The following TENM2 variants were observed in gnomAD, a reference collection of about 807,000 sequenced individuals.
TENM2 encodes teneurin-2.
Under a neutral mutation model 245.2 loss-of-function variants are expected in TENM2, and 52 were observed. The ratio of observed to expected loss-of-function variants is 0.21; its 90% CI spans 0.17 to 0.27. The LOEUF (loss-of-function observed/expected upper bound fraction) is 0.27, where lower values mean the gene tolerates loss of function less well. TENM2 is among the 10% of genes least tolerant of loss of function. TENM2 has a pLI of 1.00. For missense variants in TENM2, 3,046 were observed against 3,666.8 expected (o/e 0.83, Z 4.37); for synonymous variants, 1,363 against 1,438.9 (o/e 0.95, Z 1.19).
intron 1 of TENM2, among the ~76,000 whole-genome samples, chr5:167,363,456 G>T (rs189186209): frequency 9.3e-4 from 142 of 152,214 alleles, no homozygotes; most frequent in Non-Finnish European, 1.7e-3. Flanking sequence ...GTAAGGATGG[G>T]CACGGTGGCT....
At chr5:167,502,671 G>A (rs889639425) in intron 2 of TENM2, among the ~76,000 whole-genome samples, 1 of 152,146 alleles carries the variant, frequency 6.6e-6, no homozygotes, top group Non-Finnish European at 1.5e-5. Context: ...AAGAATATCA[G>A]GTTAGAAAGA....
intron 2 of TENM2, among the ~76,000 whole-genome samples, chr5:167,611,618 G>T (rs993521068): frequency 8.5e-5 from 13 of 152,128 alleles, no homozygotes; most frequent in African/African-American, 3.1e-4. Flanking sequence ...GTCTGTTTTG[G>T]CTGCTATAAC....
At chr5:168,150,831 T>G (rs1299087619) in intron 12 of TENM2, among the ~76,000 whole-genome samples, 1 of 152,206 alleles carries the variant, frequency 6.6e-6, no homozygotes, top group African/African-American at 2.4e-5. Flanking sequence ...CACCCTCCCT[T>G]TACCACTTGC....
chr5:167,592,918 G>A (rs1159343217), intron 2 of TENM2, among the ~76,000 whole-genome samples: 1 of 151,956 alleles, frequency 6.6e-6, no homozygotes, highest in African/African-American at 2.4e-5. Context: ...CATATAAAAT[G>A]TTTAATACAA....
intron 13 of TENM2, among the ~76,000 whole-genome samples, chr5:168,180,693 C>G (rs951690817): frequency 6.6e-6 from 1 of 152,070 alleles, no homozygotes; most frequent in Admixed American, 6.5e-5. Flanking sequence ...GTCAGGAGTT[C>G]GAGACCAGCC....
the TENM2 span, among the ~76,000 whole-genome samples, chr5:166,982,368 C>G: frequency 2.0e-5 from 3 of 152,136 alleles, no homozygotes; most frequent in African/African-American, 7.2e-5. Context: ...TTTCATTGTG[C>G]AATTGAAGGG....
chr5:167,329,469 A>G (rs1426402874), intron 1 of TENM2, among the ~76,000 whole-genome samples: 1 of 143,626 alleles, frequency 7.0e-6, no homozygotes, highest in African/African-American at 2.6e-5. Flanking sequence ...GGAGAATGGT[A>G]TGAACCCAGG....
the TENM2 span, among the ~76,000 whole-genome samples, chr5:167,196,500 G>GTGTATATATATATATGTTTA: frequency 6.7e-6 from 1 of 149,024 alleles, no homozygotes; most frequent in African/African-American, 2.5e-5. Flanking sequence ...ATATATATGT[G>GTGTATATATATATATGTTTA]TATATATATG....
At chr5:167,183,032 C>G in the TENM2 span, among the ~76,000 whole-genome samples, 1 of 152,156 alleles carries the variant, frequency 6.6e-6, no homozygotes, top group Admixed American at 6.5e-5. Context: ...TCTCCTGCCT[C>G]TTTCCTACAA....
chr5:167,697,111 C>T (rs1337469410), intron 2 of TENM2, among the ~76,000 whole-genome samples: 1 of 152,186 alleles, frequency 6.6e-6, no homozygotes, highest in Admixed American at 6.5e-5. Flanking sequence ...GCCAATAGCA[C>T]CACAGTCATC....
intron 8 of TENM2, among the ~76,000 whole-genome samples, chr5:168,096,861 G>A (rs1400401918): frequency 8.7e-6 from 1 of 115,004 alleles, no homozygotes; most frequent in East Asian, 2.0e-4. Flanking sequence ...ACAAAAATTA[G>A]GATTATGGTA....
the TENM2 span, among the ~76,000 whole-genome samples, chr5:167,172,221 G>C: frequency 6.6e-6 from 1 of 152,196 alleles, no homozygotes; most frequent in Non-Finnish European, 1.5e-5. Flanking sequence ...CCATTTGGAA[G>C]AGATGCTACA....
rs146183223 is a variant in TENM2 at position 167,782,789 on chromosome 5, G to A, written c.503-93197G>A. Reference sequence around the variant, plus strand: ...TAATTTTCCCCACCTCAGCTTAAAAGAGTGCTGGCAGGAAAGAAATGAACA... The same window carrying A: ...TAATTTTCCCCACCTCAGCTTAAAAAAGTGCTGGCAGGAAAGAAATGAACA... On this transcript the variant is annotated intron_variant, in intron 2 of 28. Coordinates refer to ENST00000518659, the Ensembl canonical transcript of TENM2. Among the ~76,000 whole-genome samples, 384 of 152,262 alleles carry A rather than the reference G, an allele frequency of 2.5e-3. 3 individuals are homozygous for A. Among genetic ancestry groups the A allele is most frequent in the African/African-American group, 8.9e-3 (368 of 41,550 alleles).
chr5:167,897,890 GTTTTTTT>G (rs35680049), intron 3 of TENM2, among the ~76,000 whole-genome samples: 2 of 89,294 alleles, frequency 2.2e-5, no homozygotes, highest in African/African-American at 6.9e-5. Flanking sequence ...GTAGTAAATT[GTTTTTTT>G]TTTTTTTTTT....
chr5:168,051,330 A>G (rs1789068317), intron 6 of TENM2, among the ~76,000 whole-genome samples: 1 of 152,164 alleles, frequency 6.6e-6, no homozygotes, highest in African/African-American at 2.4e-5. Context: ...TCAAGTTTTA[A>G]TGGAACACCA....
chr5:167,428,005 A>C (rs1763981267), intron 2 of TENM2, among the ~76,000 whole-genome samples: 1 of 152,216 alleles, frequency 6.6e-6, no homozygotes, highest in African/African-American at 2.4e-5. Flanking sequence ...TCCTGGTTTC[A>C]GTATCTGGTA....
At chr5:168,256,625 A>C (rs1173669284) in intron 27 of TENM2, among the ~76,000 whole-genome samples, 1 of 152,050 alleles carries the variant, frequency 6.6e-6, no homozygotes, top group Non-Finnish European at 1.5e-5. Context: ...AGGTTTCACC[A>C]TATTGGCCAG....
chr5:167,065,293 G>A, the TENM2 span, among the ~76,000 whole-genome samples: 1 of 152,014 alleles, frequency 6.6e-6, no homozygotes, highest in Non-Finnish European at 1.5e-5. Context: ...TTTAATGATT[G>A]TACTTTTAGA....
chr5:167,116,121 T>C, the TENM2 span, among the ~76,000 whole-genome samples: 1 of 152,124 alleles, frequency 6.6e-6, no homozygotes, highest in African/African-American at 2.4e-5. Context: ...GATGCCAAAA[T>C]GGGATTGTAC....
Sources: allele counts gnomAD v4.1 joint callset (sites outside exome capture counted in the v4.1 genomes callset), GRCh38; gene constraint gnomAD v4.1.1; transcripts MANE v1.5; gene names NCBI Gene and HGNC (gene_info 2026-07-23, HGNC 2026-07-21).